Variants in COASY observed in about 807,000 individuals in gnomAD.
The protein encoded by COASY is bifunctional coenzyme A synthase.
Under a neutral mutation model 49.4 loss-of-function variants are expected in COASY, and 31 were observed. The ratio of observed to expected loss-of-function variants is 0.63; its 90% confidence interval spans 0.47 to 0.85. The LOEUF is 0.85. Among genes scored for constraint, COASY ranks in the 40% least tolerant of loss-of-function variants. The probability of loss-of-function intolerance (pLI) is 0.00; values close to 1 mark genes in which losing one functional copy is unlikely to be tolerated. For missense variants in COASY, 730 were observed against 734.1 expected (o/e 0.99, Z 0.06); for synonymous variants, 285 against 310.9 (o/e 0.92, Z 0.88).
chr17:42,565,267 T>C lies in COASY; in HGVS notation c.1343T>C (p.Ile448Thr), dbSNP rs1597714969. The C allele has an allele frequency of 1.2e-6, 2 of 1,614,116 alleles. No homozygotes were observed. Among genetic ancestry groups the C allele is most frequent in the East Asian group, 2.2e-5 (1 of 44,886 alleles). Residue 448 changes from isoleucine (I) to threonine (T), a missense_variant, in exon 6 of 9, where the codon ATC becomes ACC. Physicochemically the swap from Ile to Thr is moderately conservative, Grantham distance 89. Transcript: ENST00000393818. Reference sequence around the variant, plus strand: ...CTCACGGACATTATGTGGCCAATTATCGCAAAGCTGGCCCGAGAGGAGATG... The same window carrying C: ...CTCACGGACATTATGTGGCCAATTACCGCAAAGCTGGCCCGAGAGGAGATG... ...KILTDIMWPI[I>T]AKLAREEMDR...
Position 42,564,046 on chromosome 17 carries a change from G to A in COASY, c.786G>A (p.Leu262=), listed in dbSNP as rs377744712. The A allele has an allele frequency of 6.2e-7, 1 of 1,614,100 alleles. No homozygotes were observed. The highest frequency in any genetic ancestry group is 8.5e-7 in the Non-Finnish European group (1 of 1,180,020). Reference sequence around the variant, plus strand: ...TCCTGGTGGACATCAAGCCCTCCTTGACTTTTGATGTCATCCCCCTGCTGG... The same window carrying A: ...TCCTGGTGGACATCAAGCCCTCCTTAACTTTTGATGTCATCCCCCTGCTGG... The part of the protein sequence containing the change: ...SEFLVDIKPS[L]TFDVIPLLDP... Residue 262 remains leucine (L), a synonymous_variant, in exon 2 of 9, where the codon TTG becomes TTA. Transcript: ENST00000393818.
Position 42,563,208 on chromosome 17 carries a change from G to A in COASY, c.586G>A (p.Val196Ile). The A allele has an allele frequency of 6.2e-7, 1 of 1,613,854 alleles. No homozygotes were observed. Among genetic ancestry groups the A allele is most frequent in the South Asian group, 1.1e-5 (1 of 91,086 alleles). ...GGTGCGTGGCTACTACCGTGGCGCT[G>A]TCGGTGGCACGTTTGACCGCCTGCA... is the stretch of plus-strand genomic sequence containing the variant. ...QPVRGYYRGA[V>I]GGTFDRLHNA... Residue 196 changes from valine to isoleucine, a missense_variant, in exon 1 of 9, where the codon GTC (valine) becomes ATC (isoleucine). By Grantham distance (29) the Val-to-Ile change is conservative (BLOSUM62 3). Transcript: ENST00000393818.
chr17:42,564,801 C>T lies in COASY; in HGVS notation c.1140C>T (p.Gly380=). 6.4e-7 allele frequency: 1 copy of T among 1,554,692 alleles called. No homozygotes were observed. ...GKSSIAQRLK[G]LGAFVIDSDH... ...GCTCAATAGCTCAGCGACTGAAGGG[C>T]CTGGGGGCGTTTGTCATTGACAGTG... Residue 380 remains glycine (G), a synonymous_variant, in exon 4 of 9, where the codon GGC becomes GGT. Transcript: ENST00000393818.
chr17:42,563,418 T>TA, intron 1 of COASY, 96 bp downstream of exon 1: 2 of 1,170,512 alleles, frequency 1.7e-6, no homozygotes, highest in Admixed American at 2.6e-5. Flanking sequence ...GGCCATTCAT[T>TA]ACTTCCCACC....
Position 42,565,791 on chromosome 17 carries a change from A to G in COASY, c.1618A>G (p.Ile540Val), listed in dbSNP as rs1264506058. 6.2e-7 allele frequency: 1 copy of G among 1,613,900 alleles called. No individual in the cohort carries two copies. Among genetic ancestry groups the G allele is most frequent in the Non-Finnish European group, 8.5e-7 (1 of 1,180,024 alleles). The change falls in exon 8 of 9, where the codon ATC (isoleucine) becomes GTC (valine). Residue 540 changes from isoleucine (I) to valine (V), a missense_variant. Ile to Val is a conservative substitution (Grantham distance 29). Coordinates refer to ENST00000393818, the MANE Select transcript of COASY (RefSeq NM_025233.7). ...VVLSTLWEPH[I>V]TQRQVEKAWA... ...GCTCAGCACCTTGTGGGAGCCGCAT[A>G]TCACCCAACGCCAGGTTGGTGCCCA...
In COASY at chr17:42,562,463, C is replaced by G. The variant is rs749835853; in HGVS notation, c.-160C>G. 1.2e-6 allele frequency: 2 copies of G among 1,613,866 alleles called. No individual in the cohort carries two copies. The highest frequency in any genetic ancestry group is 2.2e-5 in the South Asian group (2 of 91,084). On this transcript the variant is annotated 5_prime_UTR_variant, in exon 1 of 9. Coordinates refer to ENST00000393818, the MANE Select transcript of COASY (RefSeq NM_025233.7). ...GCCCCGAGGCGCCGTCTACCAGGCC[C>G]CGTCCCCTCCCCCGGCTCCTGTCGG...
intron 1 of COASY, 131 bp downstream of exon 1, chr17:42,563,453 C>G (rs899637932): frequency 3.4e-6 from 3 of 889,668 alleles, no homozygotes; most frequent in Non-Finnish European, 5.0e-6. Flanking sequence ...CAGTGGTTGA[C>G]ACTCAATTGG....
intron 8 of COASY, 38 bp downstream of exon 8, chr17:42,565,843 G>A: frequency 6.2e-7 from 1 of 1,613,958 alleles, no homozygotes; most frequent in Non-Finnish European, 8.5e-7. Context: ...TGGGGAAGGA[G>A]TCTCCAGTGG....
rs372563296 is a variant in COASY, at chr17:42,565,734, G to A, written c.1561G>A (p.Gly521Arg). Residue 521 changes from glycine (G) to arginine (R), a missense_variant, in exon 8 of 9, where the codon GGG (glycine) becomes AGG (arginine). Coordinates refer to ENST00000393818, the MANE Select transcript of COASY (RefSeq NM_025233.7). ...AAGCCGGCTGCAGAGCCAGATGAGC[G>A]GGCAGCAGCTTGTGGAACAGAGCCA... The part of the protein sequence containing the change: ...AQSRLQSQMS[G>R]QQLVEQSHVV... The A allele has an allele frequency of 2.9e-5, 46 of 1,613,820 alleles. No homozygotes were observed. The highest frequency in any genetic ancestry group is 3.6e-5 in the Non-Finnish European group (43 of 1,180,050).
At chr17:42,565,115 C>T in intron 5 of COASY, 68 bp downstream of exon 5, 1 of 1,586,794 alleles carries the variant, frequency 6.3e-7, no homozygotes. Context: ...CAGTGGACCT[C>T]TCTGGTCTGG....
At position 42,566,168 on chromosome 17, in the gene COASY, G is replaced by C. The variant is rs1040652896; in HGVS notation, c.*200G>C. The C allele has an allele frequency of 3.3e-6, 2 of 610,002 alleles. No individual in the cohort carries two copies. Among genetic ancestry groups the C allele is most frequent in the African/African-American group, 1.8e-5 (1 of 54,136 alleles). 37.8% of individuals were successfully genotyped at this position (610,002 alleles called of 1,614,324 possible). ...CCAACACTGAGGATGTGGTTCATGG[G>C]GGAGCAGTCCCCTCCCCACTCTTGC... On this transcript the variant is annotated 3_prime_UTR_variant, in exon 9 of 9. Transcript: ENST00000393818.
rs754433169 is a variant in COASY, at chr17:42,564,467, T to A, written c.937T>A (p.Tyr313Asn). ...LENDLEELAL[Y>N]QIQLLKDLRH... Reference sequence around the variant, plus strand: ...CCAGGACCTGGAGGAACTTGCTTTGTACCAGATCCAGCTGCTGAAGGACCT... The same window carrying A: ...CCAGGACCTGGAGGAACTTGCTTTGAACCAGATCCAGCTGCTGAAGGACCT... The change falls in exon 3 of 9, where the codon TAC becomes AAC. Residue 313 changes from tyrosine (Y) to asparagine (N), a missense_variant. Coordinates refer to ENST00000393818, the MANE Select transcript of COASY (RefSeq NM_025233.7). 1.9e-6 allele frequency: 3 copies of A among 1,613,546 alleles called. No individual in the cohort carries two copies. The African/African-American group carries it at 4.0e-5, about 22-fold the overall frequency.
chr17:42,562,522 C>T lies in COASY; in HGVS notation c.-101C>T, dbSNP rs773425303. 5 of 1,612,320 alleles carry T rather than the reference C, an allele frequency of 3.1e-6. No individual in the cohort carries two copies. Among genetic ancestry groups the T allele is most frequent in the East Asian group, 2.2e-5 (1 of 44,896 alleles). ...GAAACCCCGTCCCTGCTCCAGGCCT[C>T]CTTCTCTGGGGTCCAAGGTCCCATA... On this transcript the variant is annotated 5_prime_UTR_variant, in exon 1 of 9. Coordinates refer to ENST00000393818, the MANE Select transcript of COASY (RefSeq NM_025233.7).
rs1283959133 is a variant in COASY at position 42,563,240 on chromosome 17, C to T, written c.618C>T (p.Ala206=). The T allele has an allele frequency of 1.9e-6, 3 of 1,613,226 alleles. No individual in the cohort carries two copies. The highest frequency in any genetic ancestry group is 2.5e-6 in the Non-Finnish European group (3 of 1,179,990). ...GCACGTTTGACCGCCTGCACAACGC[C>T]CACAAGGTGTTGCTCAGTGTCGCGT... The part of the protein sequence containing the change: ...VGGTFDRLHN[A]HKVLLSVACI... Residue 206 remains alanine, a synonymous_variant, in exon 1 of 9, where the codon GCC becomes GCT. Coordinates refer to ENST00000393818, the MANE Select transcript of COASY (RefSeq NM_025233.7).
At position 42,562,981 on chromosome 17, in the gene COASY, C is replaced by G; in HGVS notation, c.359C>G (p.Thr120Ser). ...GAAGTCGTGTTGACAGATTTCCAGA[C>G]CCTGGATGGAAGCCAGTACAACCCG... Reference protein sequence around the residue: ...PPEVVLTDFQTLDGSQYNPVK... With the variant: ...PPEVVLTDFQSLDGSQYNPVK... The change falls in exon 1 of 9, where the codon ACC (threonine) becomes AGC (serine). Residue 120 changes from threonine (T) to serine (S), a missense_variant. Physicochemically the swap from Thr to Ser is moderately conservative, Grantham distance 58. Coordinates refer to ENST00000393818, the MANE Select transcript of COASY (RefSeq NM_025233.7). 3 of 1,614,154 alleles carry G rather than the reference C, an allele frequency of 1.9e-6. No individual in the cohort carries two copies. Among genetic ancestry groups the G allele is most frequent in the Non-Finnish European group, 1.7e-6 (2 of 1,180,030 alleles).
chr17:42,565,440 AC>A, intron 6 of COASY, 30 bp from the exon 7 acceptor site: 1 of 1,613,284 alleles, frequency 6.2e-7, no homozygotes, highest in South Asian at 1.1e-5. Context: ...GAACGTCGGC[AC>A]TGCTGGCGGT....
At position 42,562,955 on chromosome 17, in the gene COASY, A is replaced by G. The variant is rs763336054; in HGVS notation, c.333A>G (p.Pro111=). 11 of 1,613,820 alleles carry G rather than the reference A, an allele frequency of 6.8e-6. No homozygotes were observed. Among genetic ancestry groups the G allele is most frequent in the African/African-American group, 1.3e-5 (1 of 74,914 alleles). Residue 111 remains proline (P), a synonymous_variant, in exon 1 of 9, where the codon CCA becomes CCG. Coordinates refer to ENST00000393818, the MANE Select transcript of COASY (RefSeq NM_025233.7). ...CAGTCCAGAATCTCGCCCACCCGCC[A>G]GAAGTCGTGTTGACAGATTTCCAGA... The part of the protein sequence containing the change: ...PTSVQNLAHP[P]EVVLTDFQTL...
intron 2 of COASY, 104 bp downstream of exon 2, chr17:42,564,279 GC>G (rs1181785768): frequency 6.9e-7 from 1 of 1,447,504 alleles, no homozygotes; most frequent in African/African-American, 1.4e-5. Context: ...AGAAGTGGGG[GC>G]TCAGGGTGGT....
chr17:42,563,244 A>G lies in COASY; in HGVS notation c.622A>G (p.Lys208Glu). 6.2e-7 allele frequency: 1 copy of G among 1,613,028 alleles called. No individual in the cohort carries two copies. The highest frequency in any genetic ancestry group is 8.5e-7 in the Non-Finnish European group (1 of 1,179,962). The change falls in exon 1 of 9, where the codon AAG becomes GAG. Residue 208 changes from lysine (K) to glutamate (E), a missense_variant. Lys to Glu is a moderately conservative substitution (Grantham distance 56, BLOSUM62 1). Transcript: ENST00000393818. The stretch of plus-strand genomic sequence containing the variant: ...GTTTGACCGCCTGCACAACGCCCAC[A>G]AGGTGTTGCTCAGTGTCGCGTGCAT... ...GTFDRLHNAH[K>E]VLLSVACILA...
Sources: gnomAD v4.1 joint callset for allele counts on GRCh38, gnomAD v4.1.1 for gene constraint, MANE v1.5 for transcripts, NCBI Gene and HGNC (gene_info 2026-07-23, HGNC 2026-07-21) for gene names.